NPLOC4: variants seen among roughly 807,000 people sequenced by gnomAD.
NPLOC4 encodes nuclear protein localization protein 4 homolog.
Under a neutral mutation model 80.6 loss-of-function variants are expected in NPLOC4, and 18 were observed. That is an observed-to-expected ratio of 0.22 (90% confidence interval 0.15 to 0.33). The LOEUF (loss-of-function observed/expected upper bound fraction) is 0.33. Among genes scored for constraint, NPLOC4 ranks in the 10% least tolerant of loss-of-function variants. The pLI, the probability that NPLOC4 is intolerant of heterozygous loss-of-function variation, is 1.00. For missense variants in NPLOC4, 540 were observed against 786.1 expected (o/e 0.69, Z 3.74); for synonymous variants, 313 against 301.5 (o/e 1.04, Z -0.39).
chr17:81,580,230 C>T lies in NPLOC4; in HGVS notation c.1282-8142G>A, dbSNP rs1413060493. Among the ~76,000 whole-genome samples the T allele has an allele frequency of 6.6e-6, 1 of 152,182 alleles. No individual in the cohort carries two copies. Among genetic ancestry groups the T allele is most frequent in the Non-Finnish European group, 1.5e-5 (1 of 68,032 alleles). Reference sequence around the variant, plus strand: ...CCTCTCCCAAGCAATGCGCTCACCCCGGGTGGTGCCTCTGCACTAGCACAT... The same window carrying T: ...CCTCTCCCAAGCAATGCGCTCACCCTGGGTGGTGCCTCTGCACTAGCACAT... On this transcript the variant is annotated intron_variant, in intron 12 of 16. Transcript: ENST00000331134. The surrounding 1 kb of genome is among the most constrained non-coding windows in gnomAD (Gnocchi z 4.4).
chr17:81,608,896 A>AC, intron 5 of NPLOC4, 74 bp from the exon 6 acceptor site: 2 of 1,197,052 alleles, frequency 1.7e-6, no homozygotes, highest in Non-Finnish European at 2.4e-6. Context: ...TCTGCTACGC[A>AC]CAGGGGGAGG....
chr17:81,608,672 C>T (rs1197666580), intron 6 of NPLOC4, 56 bp downstream of exon 6: 1 of 1,322,580 alleles, frequency 7.6e-7, no homozygotes, highest in African/African-American at 1.5e-5. Flanking sequence ...TAAGCAACAA[C>T]TGCCAGCTAC....
intron 1 of NPLOC4, among the ~76,000 whole-genome samples, chr17:81,630,418 C>G (rs892549298): frequency 2.0e-5 from 3 of 152,158 alleles, no homozygotes; most frequent in Admixed American, 2.0e-4. Context: ...CTCCCGAGAG[C>G]TGGAACCACA....
chr17:81,559,541 G>A (rs995662756), intron 16 of NPLOC4, 125 bp from the exon 17 acceptor site: 6 of 1,105,810 alleles, frequency 5.4e-6, no homozygotes, highest in African/African-American at 4.7e-5. Flanking sequence ...CCCAGTGCTG[G>A]TCCTGCCCAC....
chr17:81,626,195 A>T (rs2035790585), intron 2 of NPLOC4, among the ~76,000 whole-genome samples: 1 of 151,574 alleles, frequency 6.6e-6, no homozygotes, highest in Non-Finnish European at 1.5e-5. Flanking sequence ...ACGTGCCTGT[A>T]ATCTCAGTTA....
At position 81,577,653 on chromosome 17, in the gene NPLOC4, C is replaced by G. The variant is rs1300754685; in HGVS notation, c.1282-5565G>C. On this transcript the variant is annotated intron_variant, in intron 12 of 16. Coordinates refer to ENST00000331134, the MANE Select transcript of NPLOC4 (RefSeq NM_017921.4). The surrounding 1 kb of genome is among the most constrained non-coding windows in gnomAD (Gnocchi z 4.3). The stretch of plus-strand genomic sequence containing the variant: ...AGCTTCCAGACCTGAGTCCTGGCAA[C>G]CGTCTGTCCTGCTCCATCTTCAAAC... Among the ~76,000 whole-genome samples the G allele has an allele frequency of 6.6e-6, 1 of 152,182 alleles. No individual in the cohort carries two copies. Among genetic ancestry groups the G allele is most frequent in the Non-Finnish European group, 1.5e-5 (1 of 68,022 alleles).
chr17:81,604,774 G>A, intron 7 of NPLOC4, 47 bp from the exon 8 acceptor site: 1 of 1,493,726 alleles, frequency 6.7e-7, no homozygotes, highest in Non-Finnish European at 9.1e-7. Flanking sequence ...CCATCAAAAA[G>A]AAATCACTTG....
chr17:81,600,230 C>T (rs1012927910), intron 9 of NPLOC4, 111 bp downstream of exon 9: 14 of 726,280 alleles, frequency 1.9e-5, no homozygotes, highest in Non-Finnish European at 2.4e-5. Context: ...CTTGTGCAGC[C>T]GGAGAGAGCC....
At chr17:81,607,789 A>G (rs1444337989) in intron 6 of NPLOC4, among the ~76,000 whole-genome samples, 1 of 152,190 alleles carries the variant, frequency 6.6e-6, no homozygotes, top group Non-Finnish European at 1.5e-5. Flanking sequence ...GTGGGTTTCT[A>G]GCAGGTTTTT....
At chr17:81,588,383 A>G (rs1425122360) in intron 12 of NPLOC4, among the ~76,000 whole-genome samples, 1 of 152,168 alleles carries the variant, frequency 6.6e-6, no homozygotes, top group Non-Finnish European at 1.5e-5. Flanking sequence ...TCCTTGAGAC[A>G]GGGTCTCGCT....
chr17:81,585,673 G>GGA (rs1491034496), intron 12 of NPLOC4, among the ~76,000 whole-genome samples: 4 of 132,530 alleles, frequency 3.0e-5, no homozygotes, highest in African/African-American at 9.2e-5. Flanking sequence ...GGGGGGGGGG[G>GGA]AAAGAAAGAA....
rs2033657232 is a variant in NPLOC4, at chr17:81,556,898, G to C, written c.*2361C>G. On this transcript the variant is annotated 3_prime_UTR_variant, in exon 17 of 17. Transcript: ENST00000331134. ...CCAGGACCAGGCAGTTGCTTCAGGC[G>C]CTTTTATTAGGTTCCACTGCAGGGC... is the stretch of plus-strand genomic sequence containing the variant. 1 of 152,278 alleles carries C rather than the reference G, an allele frequency of 6.6e-6. No homozygotes were observed. The allele number at this position is 152,278 out of a possible 1,614,324, so 9.4% of individuals were successfully genotyped here. A position where few individuals can be genotyped will look rare whatever the true frequency, so the allele number is the denominator to read the frequency against.
chr17:81,600,250 C>A (rs1233983255), intron 9 of NPLOC4, 91 bp downstream of exon 9: 6 of 869,836 alleles, frequency 6.9e-6, no homozygotes, highest in Admixed American at 6.0e-5. Context: ...CAGTACCCGA[C>A]ACAGCCCGGC....
At chr17:81,581,121 G>A (rs1052574982) in intron 12 of NPLOC4, among the ~76,000 whole-genome samples, 8 of 152,128 alleles carry the variant, frequency 5.3e-5, no homozygotes, top group Non-Finnish European at 8.8e-5. Context: ...AGGCCAAGGC[G>A]GGTGGATGAC....
At chr17:81,594,048 C>T (rs993394140) in intron 11 of NPLOC4, among the ~76,000 whole-genome samples, 4 of 151,912 alleles carry the variant, frequency 2.6e-5, no homozygotes, top group Admixed American at 2.0e-4. Flanking sequence ...CCGAGGCGGG[C>T]GGATCACGAG....
intron 3 of NPLOC4, among the ~76,000 whole-genome samples, chr17:81,618,061 C>T (rs1252343298): frequency 3.9e-5 from 6 of 152,198 alleles, no homozygotes; most frequent in African/African-American, 1.2e-4. Context: ...GAGACTGCAG[C>T]CTCTGCCCGG....
At chr17:81,634,386 A>G (rs1352173004) in intron 1 of NPLOC4, among the ~76,000 whole-genome samples, 2 of 152,072 alleles carry the variant, frequency 1.3e-5, no homozygotes, top group Non-Finnish European at 2.9e-5. Flanking sequence ...ATTCCTCACA[A>G]TCTGAGACAT....
rs1568147705 is a variant in NPLOC4, at chr17:81,604,600, T to A, written c.782A>T (p.Asp261Val). The change falls in exon 8 of 17, where the codon GAC (aspartate) becomes GTC (valine). Residue 261 changes from aspartate (D) to valine (V), a missense_variant. Asp to Val is a radical substitution (Grantham distance 152). Coordinates refer to ENST00000331134, the MANE Select transcript of NPLOC4 (RefSeq NM_017921.4). The stretch of plus-strand genomic sequence containing the variant: ...TTCAGCCCTGATGCCAAGGGGAATG[T>A]CTTTGTGCTCCGTGTACCGTCCGTA... ...YLYGRYTEHK[D>V]IPLGIRAEVA... 1 of 1,613,780 alleles carries A rather than the reference T, an allele frequency of 6.2e-7. No homozygotes were observed. Among genetic ancestry groups the A allele is most frequent in the Non-Finnish European group, 8.5e-7 (1 of 1,179,784 alleles).
rs1163443775 is a variant in NPLOC4, at chr17:81,558,126, A to C, written c.*1133T>G. 6.6e-6 allele frequency: 1 copy of C among 152,522 alleles called. No individual in the cohort carries two copies. The highest frequency in any genetic ancestry group is 1.5e-5 in the Non-Finnish European group (1 of 68,240). The allele number at this position is 152,522 out of a possible 1,614,324, so 9.4% of individuals were successfully genotyped here. ...CTGGCCACGCCACAGAGGAACGCAG[A>C]GCACACAAGCAGGACCCCACCACGT... On this transcript the variant is annotated 3_prime_UTR_variant, in exon 17 of 17. Transcript: ENST00000331134.
Sources: allele counts gnomAD v4.1 joint callset (sites outside exome capture counted in the v4.1 genomes callset), GRCh38; gene constraint gnomAD v4.1.1; non-coding constraint Gnocchi (gnomAD v3.1); transcripts MANE v1.5; gene names NCBI Gene and HGNC (gene_info 2026-07-23, HGNC 2026-07-21).